USH2A: variants seen among roughly 807,000 people sequenced by gnomAD.
The protein encoded by USH2A is usherin, also known as Usher syndrome 2A (autosomal recessive, mild).
USH2A carries 443 observed loss-of-function variants against 538.9 expected under a neutral mutation model. That is an observed-to-expected ratio of 0.82 (90% confidence interval 0.76 to 0.89). The LOEUF is 0.89. Ranked by LOEUF, USH2A falls within the 40% of genes least tolerant of loss-of-function variation. The pLI is 0.00. For synonymous variants in USH2A, 2,413 were observed against 2,273.5 expected (o/e 1.06, Z -1.75); for missense variants, 6,633 against 6,324.8 (o/e 1.05, Z -1.65).
intron 35 of USH2A, among the ~76,000 whole-genome samples, chr1:215,971,722 A>G (rs1003723480): frequency 6.6e-6 from 1 of 152,178 alleles, no homozygotes; most frequent in Non-Finnish European, 1.5e-5. Context: ...ATCATATTTT[A>G]TTTCTGCTTA....
intron 13 of USH2A, among the ~76,000 whole-genome samples, chr1:216,239,729 G>A (rs1409879046): frequency 2.6e-5 from 4 of 152,108 alleles, no homozygotes; most frequent in Non-Finnish European, 1.5e-5. Context: ...GGGAGTAGGA[G>A]GCTACTTGAA....
chr1:215,629,997 G>A (rs948475610), intron 70 of USH2A: 4 of 445,596 alleles, frequency 9.0e-6, no homozygotes, highest in Non-Finnish European at 1.3e-5. Flanking sequence ...GGATGGTCTC[G>A]ATCTCCTGAC....
chr1:216,040,587 C>T (rs2030231670), intron 32 of USH2A, among the ~76,000 whole-genome samples: 1 of 151,992 alleles, frequency 6.6e-6, no homozygotes. Flanking sequence ...TAATCTGTGG[C>T]TACAGTCTGG....
intron 38 of USH2A, among the ~76,000 whole-genome samples, chr1:215,918,293 C>T (rs532723733): frequency 4.6e-4 from 70 of 152,116 alleles, no homozygotes; most frequent in African/African-American, 1.4e-3. Context: ...ATAATTCTTA[C>T]GTTGAAATTC....
At chr1:216,197,934 G>A (rs2034888341) in intron 18 of USH2A, among the ~76,000 whole-genome samples, 1 of 152,102 alleles carries the variant, frequency 6.6e-6, no homozygotes, top group Admixed American at 6.6e-5. Context: ...TGTGGAATTG[G>A]TGACAGTTAT....
intron 54 of USH2A, 58 bp from the exon 55 acceptor site, chr1:215,780,099 C>A: frequency 6.4e-7 from 1 of 1,574,054 alleles, no homozygotes; most frequent in South Asian, 1.1e-5. Context: ...CTATCCTGAT[C>A]AATGAGAATG....
At chr1:216,346,331 G>GA (rs1193159659) in intron 4 of USH2A, among the ~76,000 whole-genome samples, 15 of 152,000 alleles carry the variant, frequency 9.9e-5, no homozygotes, top group Admixed American at 3.3e-4. Flanking sequence ...CCCATTTTGA[G>GA]AAAAAACATC....
At chr1:216,106,371 T>A (rs184549628) in intron 21 of USH2A, among the ~76,000 whole-genome samples, 1 of 150,544 alleles carries the variant, frequency 6.6e-6, no homozygotes, top group Non-Finnish European at 1.5e-5. Flanking sequence ...TGGTCCTTCA[T>A]CTCTCCTATT....
intron 21 of USH2A, among the ~76,000 whole-genome samples, chr1:216,124,254 GA>G (rs11295009): frequency 0.37 from 55,490 of 151,882 alleles, 10,869 homozygotes; most frequent in East Asian, 0.73. Flanking sequence ...GTAATGAGCT[GA>G]AAACACTGCG....
In USH2A at chr1:216,207,253, T is replaced by C; in HGVS notation, c.3316+20A>G. 6.2e-7 allele frequency: 1 copy of C among 1,613,644 alleles called. No individual in the cohort carries two copies. The highest frequency in any genetic ancestry group is 1.1e-5 in the South Asian group (1 of 91,070). On this transcript the variant is annotated intron_variant, in intron 16 of 71. Coordinates refer to ENST00000307340, the MANE Select transcript of USH2A (RefSeq NM_206933.4). ...CAATTCTCAGAATATTTATTTCTAT[T>C]ACCAAACCCTTAAACTCACTGTATG...
At chr1:215,878,026 G>A (rs1664819671) in intron 42 of USH2A, 146 bp from the exon 43 acceptor site, 1 of 1,154,134 alleles carries the variant, frequency 8.7e-7, no homozygotes, top group East Asian at 2.6e-5. Context: ...ACGTGGTTTT[G>A]TTTCAGATGA....
chr1:216,223,200 G>T (rs913320398), intron 14 of USH2A, among the ~76,000 whole-genome samples: 4 of 152,094 alleles, frequency 2.6e-5, no homozygotes, highest in African/African-American at 9.7e-5. Flanking sequence ...ATAATAGGAA[G>T]CTACTGTATC....
chr1:215,861,838 CTTTTT>C (rs11461966), intron 44 of USH2A, among the ~76,000 whole-genome samples: 3 of 110,338 alleles, frequency 2.7e-5, no homozygotes, highest in Non-Finnish European at 5.4e-5. Context: ...GTAGTTTTCG[CTTTTT>C]TTTTTTTTTT....
intron 61 of USH2A, 52 bp downstream of exon 61, chr1:215,727,978 A>T: frequency 6.3e-7 from 1 of 1,575,380 alleles, no homozygotes; most frequent in Non-Finnish European, 8.7e-7. Flanking sequence ...AATTAATTTC[A>T]ACGTATTCAC....
chr1:215,902,800 A>C (rs1181501310), intron 38 of USH2A, among the ~76,000 whole-genome samples: 1 of 152,128 alleles, frequency 6.6e-6, no homozygotes, highest in East Asian at 1.9e-4. Context: ...ATTCAAAGGC[A>C]GTAAGGAGGA....
chr1:215,948,425 GATATAT>G (rs143122492), intron 37 of USH2A, among the ~76,000 whole-genome samples: 7 of 144,598 alleles, frequency 4.8e-5, no homozygotes, highest in African/African-American at 1.3e-4. Context: ...TATTTGTTCA[GATATAT>G]ATATATATAT....
rs548205147 is a variant in USH2A, at chr1:216,072,471, G to A, written c.5857+418C>T. ...ACACCCCTGATTCCAACCAGTTGCA[G>A]GTTTCAAATGTGCTTTCTGTGAGAA... On this transcript the variant is annotated intron_variant, in intron 29 of 71. Transcript: ENST00000307340. 18 of 276,890 alleles carry A rather than the reference G, an allele frequency of 6.5e-5. 1 individual carries two copies. The South Asian group carries it at 6.9e-4, about 11-fold the overall frequency. 17.2% of individuals were successfully genotyped at this position (276,890 alleles called of 1,614,324 possible).
chr1:216,084,148 C>T (rs1431842705), intron 25 of USH2A, among the ~76,000 whole-genome samples: 1 of 151,928 alleles, frequency 6.6e-6, no homozygotes, highest in Non-Finnish European at 1.5e-5. Context: ...ACTCAATGTG[C>T]ATGCATGTCA....
At chr1:216,275,775 C>T (rs876075) in intron 11 of USH2A, among the ~76,000 whole-genome samples, 3,589 of 152,162 alleles carry the variant, frequency 0.024, 140 homozygotes, top group African/African-American at 0.079. Context: ...AGGAATGTGT[C>T]GATTCCAATA....
Sources: gnomAD v4.1 joint callset for allele counts (sites outside exome capture counted in the v4.1 genomes callset) on GRCh38, gnomAD v4.1.1 for gene constraint, MANE v1.5 for transcripts, NCBI Gene and HGNC (gene_info 2026-07-23, HGNC 2026-07-21) for gene names.